Variants in KLHL32 observed in about 807,000 individuals in gnomAD.
KLHL32 encodes kelch like family member 32.
A neutral mutation model predicts 64.8 loss-of-function variants in KLHL32; 35 were observed. The ratio of observed to expected loss-of-function variants is 0.54; its 90% CI spans 0.41 to 0.72. KLHL32 has a LOEUF of 0.72. Among genes scored for constraint, KLHL32 ranks in the 30% least tolerant of loss-of-function variants. The pLI is 0.00. For missense variants in KLHL32, 589 were observed against 768.5 expected, an observed-to-expected ratio of 0.77 and a Z score of 2.76; for synonymous variants, 259 against 281.0, an observed-to-expected ratio of 0.92 and a Z score of 0.78.
At position 97,041,602 on chromosome 6, in the gene KLHL32, A is replaced by G. The variant is rs762793619; in HGVS notation, c.312+3A>G. ...TGGAGTTTGCATACACAGGACAGGT[A>G]TGGTATTAAATGTGATCTGTAAAGT... is the stretch of plus-strand genomic sequence containing the variant. On this transcript the variant is annotated splice_donor_region_variant and intron_variant, in intron 4 of 10. Coordinates refer to ENST00000369261, the MANE Select transcript of KLHL32 (RefSeq NM_052904.4). 27 of 1,541,986 alleles carry G rather than the reference A, an allele frequency of 1.8e-5. No homozygotes were observed. Among genetic ancestry groups the G allele is most frequent in the Non-Finnish European group, 5.4e-6 (6 of 1,114,602 alleles).
chr6:97,076,519 C>T (rs1371628540), intron 5 of KLHL32, among the ~76,000 whole-genome samples: 1 of 152,180 alleles, frequency 6.6e-6, no homozygotes, highest in African/African-American at 2.4e-5. Flanking sequence ...GATGGGTCAG[C>T]TCCAAATCAT....
rs1396907762 is a variant in KLHL32, at chr6:97,110,851, T to A, written c.628-2932T>A. Among the ~76,000 whole-genome samples, 3 of 152,298 alleles carry A rather than the reference T, an allele frequency of 2.0e-5. No individual in the cohort carries two copies. In the East Asian group the frequency reaches 5.8e-4, roughly 29 times the overall value. On this transcript the variant is annotated intron_variant, in intron 6 of 10. Coordinates refer to ENST00000369261, the MANE Select transcript of KLHL32 (RefSeq NM_052904.4). ...AAACAGAAGCCTGCTGCTGTTGGTGTGGGGATGGTTGTGGCAATTCACATT... is the reference window on the plus strand; with the variant it reads ...AAACAGAAGCCTGCTGCTGTTGGTGAGGGGATGGTTGTGGCAATTCACATT...
chr6:97,059,480 A>G (rs1317757827), intron 4 of KLHL32, among the ~76,000 whole-genome samples: 1 of 152,264 alleles, frequency 6.6e-6, no homozygotes, highest in East Asian at 1.9e-4. Context: ...AGGCATATTT[A>G]TGAACATTTC....
At position 97,064,733 on chromosome 6, in the gene KLHL32, G is replaced by A. The variant is rs368148865; in HGVS notation, c.411+7G>A. On this transcript the variant is annotated splice_region_variant and intron_variant, in intron 5 of 10. Coordinates refer to ENST00000369261, the MANE Select transcript of KLHL32 (RefSeq NM_052904.4). ...CTCCCACTATCTCATCCAGGTATGT[G>A]AGCTTGCATCCTGCTCATACACCCT... 79 of 1,605,964 alleles carry A rather than the reference G, an allele frequency of 4.9e-5. No individual in the cohort carries two copies. Among genetic ancestry groups the A allele is most frequent in the Non-Finnish European group, 6.7e-5 (79 of 1,172,718 alleles).
intron 6 of KLHL32, among the ~76,000 whole-genome samples, chr6:97,110,708 G>C (rs970289314): frequency 2.4e-4 from 37 of 152,292 alleles, no homozygotes; most frequent in African/African-American, 8.4e-4. Flanking sequence ...GGTTCAAAAA[G>C]GAAGTAAAGC....
At chr6:97,078,691 A>G (rs1013402534) in intron 5 of KLHL32, among the ~76,000 whole-genome samples, 3 of 152,232 alleles carry the variant, frequency 2.0e-5, no homozygotes, top group African/African-American at 7.2e-5. Flanking sequence ...TAGATGAGAC[A>G]GCAAGAGAAA....
intron 4 of KLHL32, among the ~76,000 whole-genome samples, chr6:97,060,003 C>T (rs976577072): frequency 6.6e-6 from 1 of 152,128 alleles, no homozygotes; most frequent in East Asian, 1.9e-4. Context: ...GTTGTACAAG[C>T]GCTTGTTTTG....
At chr6:97,082,859 T>G (rs898823994) in intron 5 of KLHL32, among the ~76,000 whole-genome samples, 10 of 152,194 alleles carry the variant, frequency 6.6e-5, no homozygotes, top group Non-Finnish European at 1.5e-4. Flanking sequence ...CCTGAGTTAA[T>G]GGTGTGCCTT....
At chr6:97,019,946 AT>A (rs59828741) in intron 3 of KLHL32, among the ~76,000 whole-genome samples, 83,275 of 114,946 alleles carry the variant, frequency 0.72, 29,672 homozygotes, top group East Asian at 0.89. Context: ...CTCCCGGCGA[AT>A]TTTTTTTTTT....
At chr6:97,117,349 G>GGTA (rs2128213179) in intron 7 of KLHL32, among the ~76,000 whole-genome samples, 1 of 152,222 alleles carries the variant, frequency 6.6e-6, no homozygotes, top group East Asian at 1.9e-4. Flanking sequence ...CTGAGGTGGG[G>GGTA]GTAGTATGGA....
chr6:97,107,063 C>T (rs565089555), intron 6 of KLHL32, among the ~76,000 whole-genome samples: 8 of 152,234 alleles, frequency 5.3e-5, no homozygotes, highest in African/African-American at 1.4e-4. Context: ...GAGGCGAAGG[C>T]GGGCGGATCA....
At chr6:96,954,698 G>C (rs7759560) in intron 1 of KLHL32, among the ~76,000 whole-genome samples, 112,853 of 152,078 alleles carry the variant, frequency 0.74, 42,190 homozygotes, top group African/African-American at 0.82. Context: ...TCTACTGAAC[G>C]TGGCATTCCC....
intron 4 of KLHL32, among the ~76,000 whole-genome samples, chr6:97,043,941 T>C (rs1487394061): frequency 6.6e-6 from 1 of 152,158 alleles, no homozygotes; most frequent in Non-Finnish European, 1.5e-5. Context: ...TTGTTCTTTT[T>C]GCACAAGATT....
chr6:97,068,489 T>A (rs1790172362), intron 5 of KLHL32, among the ~76,000 whole-genome samples: 1 of 152,186 alleles, frequency 6.6e-6, no homozygotes, highest in Non-Finnish European at 1.5e-5. Context: ...GAAAAATTAT[T>A]TATTTTGCTA....
chr6:97,127,569 T>A (rs1799006906), intron 8 of KLHL32, 107 bp downstream of exon 8: 2 of 893,858 alleles, frequency 2.2e-6, no homozygotes, highest in South Asian at 3.0e-5. Context: ...ATATGCATCT[T>A]TAGCTTATAT....
Position 97,132,748 on chromosome 6 carries a change from G to T in KLHL32, c.1701+1G>T. 6.2e-7 allele frequency: 1 copy of T among 1,601,710 alleles called. No homozygotes were observed. ...AAATGAGCCTCTGGCTTGTATCCAGGTGAGTGGTAGAAGTTCCTTTTGAAG... is the reference window on the plus strand; with the variant it reads ...AAATGAGCCTCTGGCTTGTATCCAGTTGAGTGGTAGAAGTTCCTTTTGAAG... On this transcript the variant is annotated splice_donor_variant, in intron 10 of 10. Transcript: ENST00000369261. LOFTEE classifies it high-confidence loss of function.
upstream of KLHL32, among the ~76,000 whole-genome samples, chr6:96,923,973 T>A (rs1243308046): frequency 6.6e-6 from 1 of 152,202 alleles, no homozygotes; most frequent in Non-Finnish European, 1.5e-5. Flanking sequence ...TGGAATTTAA[T>A]GGTATGGTTC....
the KLHL32 span, among the ~76,000 whole-genome samples, chr6:96,917,520 C>T: frequency 6.6e-6 from 1 of 152,234 alleles, no homozygotes; most frequent in Non-Finnish European, 1.5e-5. Flanking sequence ...CAACAGAAAA[C>T]AACAGCTATG....
chr6:97,061,949 A>G (rs763311809), intron 4 of KLHL32, among the ~76,000 whole-genome samples: 3 of 152,208 alleles, frequency 2.0e-5, no homozygotes, highest in Non-Finnish European at 4.4e-5. Context: ...TTCTGTTTCC[A>G]TAAGTGAGAA....
Sources: gnomAD v4.1 joint callset for allele counts (sites outside exome capture counted in the v4.1 genomes callset) on GRCh38, gnomAD v4.1.1 for gene constraint, MANE v1.5 for transcripts, NCBI Gene and HGNC (gene_info 2026-07-23, HGNC 2026-07-21) for gene names.